Variants in ABHD12B observed in about 807,000 individuals in gnomAD.
The protein encoded by ABHD12B is abhydrolase domain containing 12B, also known as protein ABHD12B.
Under a neutral mutation model 50.4 loss-of-function variants are expected in ABHD12B, and 42 were observed. The observed-to-expected ratio is 0.83, with a 90% CI of 0.65 to 1.08. The LOEUF (loss-of-function observed/expected upper bound fraction) is 1.08. ABHD12B is among the 50% of genes least tolerant of loss of function. The pLI, the probability that ABHD12B is intolerant of heterozygous loss-of-function variation, is 0.00. For synonymous variants in ABHD12B, 167 were observed against 160.3 expected (o/e 1.04, Z -0.32); for missense variants, 479 against 447.7 (o/e 1.07, Z -0.63).
In ABHD12B at chr14:50,888,808, T is replaced by C; in HGVS notation, c.701-16T>C. The C allele has an allele frequency of 6.2e-6, 10 of 1,612,214 alleles. No homozygotes were observed. The highest frequency in any genetic ancestry group is 8.5e-6 in the Non-Finnish European group (10 of 1,178,752). On this transcript the variant is annotated splice_polypyrimidine_tract_variant and intron_variant, in intron 8 of 12. Coordinates refer to ENST00000337334, the MANE Select transcript of ABHD12B (RefSeq NM_001206673.2). ...GGGGAGTTACTGATTTCTTTCTTTC[T>C]TTCTTTCATTTCAAGGATGCCCAGT... is the stretch of plus-strand genomic sequence containing the variant.
intron 9 of ABHD12B, among the ~76,000 whole-genome samples, chr14:50,894,056 C>G (rs901220018): frequency 6.6e-6 from 1 of 152,226 alleles, no homozygotes; most frequent in Non-Finnish European, 1.5e-5. Flanking sequence ...TGGTCCTTCA[C>G]CCTTAGCGGC....
intron 10 of ABHD12B, among the ~76,000 whole-genome samples, 157 bp downstream of exon 10, chr14:50,902,068 G>C (rs1200262498): frequency 6.6e-6 from 1 of 152,002 alleles, no homozygotes; most frequent in East Asian, 1.9e-4. Flanking sequence ...ACTAAGATTT[G>C]GGTAAAGTAT....
In ABHD12B at chr14:50,887,328, G is replaced by GTAA. The variant is rs1370020289; in HGVS notation, c.700+647_700+649dup. 1.1e-4 allele frequency among the ~76,000 whole-genome samples: 17 copies of GTAA among 150,446 alleles called. 1 individual carries two copies. The East Asian group carries it at 3.3e-3, about 29-fold the overall frequency. ...AACTGGCTTTCTGCAGCCCTTCTTA[G>GTAA]TAATATTTATGTCAGGGTTTCTCAA... On this transcript the variant is annotated intron_variant, in intron 8 of 12. Coordinates refer to ENST00000337334, the MANE Select transcript of ABHD12B (RefSeq NM_001206673.2).
At chr14:50,894,772 G>C (rs541321192) in intron 9 of ABHD12B, among the ~76,000 whole-genome samples, 1 of 149,158 alleles carries the variant, frequency 6.7e-6, no homozygotes, top group South Asian at 2.1e-4. Flanking sequence ...TTTCCCTCCC[G>C]CCTGTCCCCC....
intron 9 of ABHD12B, among the ~76,000 whole-genome samples, chr14:50,889,379 C>T (rs747719603): frequency 9.9e-5 from 15 of 152,200 alleles, no homozygotes; most frequent in Non-Finnish European, 1.6e-4. Context: ...GTGGCTCCCA[C>T]CTATAATCCC....
Position 50,880,539 on chromosome 14 carries a change from TA to T in ABHD12B, c.424del (p.Ile142LeufsTer17). On this transcript the variant is annotated frameshift_variant, in exon 4 of 13. Transcript: ENST00000337334. ...CAGCCCTTCGTGATGGGAACCCAAT[TA>T]TTGTTTATCTTCATGGCAGTGCAGA... is the stretch of plus-strand genomic sequence containing the variant. ...EAALRDGNPI[I>X]VYLHGSAEHR... 1.9e-6 allele frequency: 3 copies of T among 1,606,398 alleles called. No homozygotes were observed. The highest frequency in any genetic ancestry group is 2.6e-6 in the Non-Finnish European group (3 of 1,176,084).
chr14:50,882,221 C>A (rs1034147873), intron 5 of ABHD12B, among the ~76,000 whole-genome samples: 3 of 150,314 alleles, frequency 2.0e-5, no homozygotes, highest in Admixed American at 1.3e-4. Context: ...CAGGCGCGAA[C>A]CACCTCACCC....
At chr14:50,902,902 T>A (rs190217931) in intron 10 of ABHD12B, among the ~76,000 whole-genome samples, 149 of 152,328 alleles carry the variant, frequency 9.8e-4, no homozygotes, top group Non-Finnish European at 1.4e-3. Context: ...TAACTGCACG[T>A]CCATCCTCTA....
At chr14:50,883,756 C>G (rs17720880) in intron 5 of ABHD12B, among the ~76,000 whole-genome samples, 9,227 of 152,358 alleles carry the variant, frequency 0.061, 480 homozygotes, top group Admixed American at 0.11. Context: ...CCAGTGCCAT[C>G]ATTGCCCAAC....
At chr14:50,902,101 A>C (rs910738887) in intron 10 of ABHD12B, among the ~76,000 whole-genome samples, 190 bp downstream of exon 10, 1 of 152,170 alleles carries the variant, frequency 6.6e-6, no homozygotes, top group African/African-American at 2.4e-5. Context: ...AGTATTTGCT[A>C]TTTTCCTCAT....
At chr14:50,876,813 C>CA (rs552946864) in intron 1 of ABHD12B, among the ~76,000 whole-genome samples, 27 of 152,312 alleles carry the variant, frequency 1.8e-4, no homozygotes, top group African/African-American at 6.0e-4. Context: ...GACAATTTAT[C>CA]AAAAATGCTT....
intron 5 of ABHD12B, among the ~76,000 whole-genome samples, chr14:50,883,702 G>A (rs977342171): frequency 2.6e-5 from 4 of 152,252 alleles, no homozygotes; most frequent in Non-Finnish European, 5.9e-5. Context: ...AGAGTGGCTG[G>A]TATGGCAGGA....
At chr14:50,886,977 A>G (rs2142743751) in intron 8 of ABHD12B, among the ~76,000 whole-genome samples, 1 of 152,208 alleles carries the variant, frequency 6.6e-6, no homozygotes, top group East Asian at 1.9e-4. Flanking sequence ...GCACTTTGGG[A>G]GGCTGAGGTG....
At chr14:50,880,596 T>G in intron 4 of ABHD12B, 25 bp downstream of exon 4, 1 of 1,526,118 alleles carries the variant, frequency 6.6e-7, no homozygotes, top group Non-Finnish European at 8.8e-7. Flanking sequence ...TTACATATTT[T>G]TTTTTCAGGA....
At chr14:50,887,488 T>C (rs992945871) in intron 8 of ABHD12B, among the ~76,000 whole-genome samples, 1 of 152,134 alleles carries the variant, frequency 6.6e-6, no homozygotes, top group African/African-American at 2.4e-5. Context: ...TAAATGCAAA[T>C]ATTCATTACC....
chr14:50,873,305 G>A (rs975934008), intron 1 of ABHD12B, among the ~76,000 whole-genome samples: 28 of 151,738 alleles, frequency 1.8e-4, no homozygotes, highest in African/African-American at 6.8e-4. Context: ...TCATTCCCAG[G>A]GCTCCAGCGA....
chr14:50,901,769 A>G, intron 9 of ABHD12B, 60 bp from the exon 10 acceptor site: 1 of 1,112,680 alleles, frequency 9.0e-7, no homozygotes. Context: ...GTGAAAGACT[A>G]TATAACAGAT....
At chr14:50,900,714 T>G (rs192721234) in intron 9 of ABHD12B, among the ~76,000 whole-genome samples, 3 of 152,124 alleles carry the variant, frequency 2.0e-5, no homozygotes, top group Admixed American at 6.5e-5. Flanking sequence ...CGCCTTGAGG[T>G]GGGATCAGGC....
Position 50,901,974 on chromosome 14 carries a change from C to T in ABHD12B, c.863+63C>T, listed in dbSNP as rs143277274. ...TCTAAAGGATTCTAGGGGCAACTAT[C>T]ATGTGACTTACTGGATGGTGACATG... On this transcript the variant is annotated intron_variant, in intron 10 of 12. Coordinates refer to ENST00000337334, the MANE Select transcript of ABHD12B (RefSeq NM_001206673.2). 117 of 1,097,370 alleles carry T rather than the reference C, an allele frequency of 1.1e-4. 1 individual carries two copies. In the East Asian group the frequency reaches 2.8e-3, roughly 26 times the overall value. The allele number at this position is 1,097,370 out of a possible 1,614,324, so 68.0% of individuals were successfully genotyped here.
Sources: allele counts gnomAD v4.1 joint callset (sites outside exome capture counted in the v4.1 genomes callset), GRCh38; gene constraint gnomAD v4.1.1; transcripts MANE v1.5; gene names NCBI Gene and HGNC (gene_info 2026-07-23, HGNC 2026-07-21).